Variants in CFAP57 observed in about 807,000 individuals in gnomAD.
CFAP57 encodes the protein cilia and flagella associated protein 57.
Under a neutral mutation model 146.8 loss-of-function variants are expected in CFAP57, and 116 were observed. The ratio of observed to expected loss-of-function variants is 0.79; its 90% CI spans 0.68 to 0.92. CFAP57 has a LOEUF of 0.92. Among genes scored for constraint, CFAP57 ranks in the 40% least tolerant of loss-of-function variants. The pLI is 0.00. For missense variants in CFAP57, 1,377 were observed against 1,527.2 expected, an observed-to-expected ratio of 0.90 and a Z score of 1.64; for synonymous variants, 518 against 552.8, an observed-to-expected ratio of 0.94 and a Z score of 0.88.
intron 12 of CFAP57, among the ~76,000 whole-genome samples, chr1:43,217,212 G>T (rs991186826): frequency 6.6e-6 from 1 of 152,176 alleles, no homozygotes; most frequent in Non-Finnish European, 1.5e-5. Flanking sequence ...GGTCAGGGGG[G>T]CCTTTTACAC....
At chr1:43,231,633 C>G (rs1040876779) in intron 18 of CFAP57, among the ~76,000 whole-genome samples, 1 of 149,590 alleles carries the variant, frequency 6.7e-6, no homozygotes, top group African/African-American at 2.5e-5. Context: ...GTGGGCAGAT[C>G]ACTTGAGGTC....
At chr1:43,222,791 C>G in intron 15 of CFAP57, 33 bp from the exon 16 acceptor site, 1 of 1,508,606 alleles carries the variant, frequency 6.6e-7, no homozygotes, top group Non-Finnish European at 8.9e-7. Flanking sequence ...AGTCCCTTCT[C>G]CCCTGACCAC....
In CFAP57 at chr1:43,250,033, G is replaced by A. The variant is rs143339559; in HGVS notation, c.3539-3944G>A. 2.2e-3 allele frequency among the ~76,000 whole-genome samples: 342 copies of A among 152,142 alleles called. 4 individuals are homozygous for A. The highest frequency in any genetic ancestry group is 7.8e-3 in the African/African-American group (322 of 41,484). On this transcript the variant is annotated intron_variant, in intron 22 of 22. Coordinates refer to ENST00000372492, the MANE Select transcript of CFAP57 (RefSeq NM_001378189.1). ...TCATTCTACCAATAATTTTAAAGCC[G>A]GTTTGTTTAGTAAAGATTTACATAA...
intron 12 of CFAP57, among the ~76,000 whole-genome samples, chr1:43,215,794 G>A (rs1644812279): frequency 6.6e-6 from 1 of 152,204 alleles, no homozygotes; most frequent in Non-Finnish European, 1.5e-5. Context: ...AGTAAAGTAT[G>A]TTCTCATTTA....
At position 43,240,865 on chromosome 1, in the gene CFAP57, C is replaced by T. The variant is rs1011088943; in HGVS notation, c.3406-2362C>T. 9.2e-5 allele frequency among the ~76,000 whole-genome samples: 14 copies of T among 152,322 alleles called. No homozygotes were observed. In the East Asian group the frequency reaches 2.3e-3, roughly 25 times the overall value. On this transcript the variant is annotated intron_variant, in intron 21 of 22. Transcript: ENST00000372492. ...GTAGGAGAGGAGAAGGGGCCGGTCT[C>T]GCTCTGTCGCCCAGGCTGGAGTGCA...
In CFAP57 at chr1:43,234,596, G is replaced by T. The variant is rs1173576891; in HGVS notation, c.3363G>T (p.Lys1121Asn). Residue 1121 changes from lysine (K) to asparagine (N), a missense_variant, in exon 21 of 23, where the codon AAG becomes AAT. Transcript: ENST00000372492. Reference protein sequence around the residue: ...NLATLKKKVVKEGELHRTDYV... With the variant: ...NLATLKKKVVNEGELHRTDYV... Reference sequence around the variant, plus strand: ...CCACTCTCAAGAAGAAGGTGGTCAAGGAGGGCGAGCTGCACCGCACAGACT... The same window carrying T: ...CCACTCTCAAGAAGAAGGTGGTCAATGAGGGCGAGCTGCACCGCACAGACT... 1.3e-6 allele frequency: 2 copies of T among 1,550,512 alleles called. No individual in the cohort carries two copies. Among genetic ancestry groups the T allele is most frequent in the Admixed American group, 3.9e-5 (2 of 51,004 alleles).
rs542600979 is a variant in CFAP57 at position 43,197,128 on chromosome 1, C to T, written c.1123-425C>T. ...CAGCACTTTGGGAGGCCAAGGTGGG[C>T]GGATCATAAGGTCAGGAGATCGAGA... On this transcript the variant is annotated intron_variant, in intron 6 of 22. Coordinates refer to ENST00000372492, the MANE Select transcript of CFAP57 (RefSeq NM_001378189.1). Among the ~76,000 whole-genome samples, 49 of 151,974 alleles carry T rather than the reference C, an allele frequency of 3.2e-4. No individual in the cohort carries two copies. The South Asian group carries it at 8.6e-3, about 27-fold the overall frequency.
intron 2 of CFAP57, among the ~76,000 whole-genome samples, chr1:43,180,916 G>T (rs1233643596): frequency 6.6e-6 from 1 of 152,004 alleles, no homozygotes. Context: ...CCCACTGCTT[G>T]CAGTTCCCGC....
chr1:43,179,273 T>TA, intron 2 of CFAP57, among the ~76,000 whole-genome samples: 1 of 144,524 alleles, frequency 6.9e-6, no homozygotes, highest in Middle Eastern at 3.4e-3. Context: ...CCCTAGAACT[T>TA]AAAGTATAAT....
intron 22 of CFAP57, among the ~76,000 whole-genome samples, chr1:43,244,296 T>G (rs1760671): frequency 0.039 from 6,013 of 152,264 alleles, 195 homozygotes; most frequent in African/African-American, 0.087. Context: ...AGCTATGGAT[T>G]GGGTCTCTGA....
intron 12 of CFAP57, among the ~76,000 whole-genome samples, chr1:43,218,571 G>A (rs780035598): frequency 3.3e-5 from 5 of 151,436 alleles, no homozygotes; most frequent in African/African-American, 7.3e-5. Flanking sequence ...TCACACCACC[G>A]CACTCCAGCC....
At chr1:43,223,762 C>T (rs561765418) in intron 16 of CFAP57, among the ~76,000 whole-genome samples, 58 of 152,258 alleles carry the variant, frequency 3.8e-4, no homozygotes, top group African/African-American at 1.2e-3. Context: ...CTTGGTGTAC[C>T]GGTCTCTGGA....
chr1:43,183,876 A>G lies in CFAP57; in HGVS notation c.760A>G (p.Ser254Gly). Residue 254 changes from serine (S) to glycine (G), a missense_variant and splice_region_variant, in exon 4 of 23, where the codon AGC (serine) becomes GGC (glycine). Transcript: ENST00000372492. Reference sequence around the variant, plus strand: ...CCTGGATGTCATTCAGGAATCAGAGAGGTAATGGTGCTTCCTGGGCTGGTG... The same window carrying G: ...CCTGGATGTCATTCAGGAATCAGAGGGGTAATGGTGCTTCCTGGGCTGGTG... ...KSLDVIQESE[S>G]LIEFPPVSSP... 6.2e-7 allele frequency: 1 copy of G among 1,613,916 alleles called. No individual in the cohort carries two copies. Among genetic ancestry groups the G allele is most frequent in the Non-Finnish European group, 8.5e-7 (1 of 1,180,028 alleles).
intron 17 of CFAP57, 123 bp downstream of exon 17, chr1:43,224,327 C>G: frequency 8.6e-7 from 1 of 1,166,128 alleles, no homozygotes; most frequent in South Asian, 1.9e-5. Flanking sequence ...GATGGGGGAA[C>G]CAGCCGTCAG....
intron 10 of CFAP57, among the ~76,000 whole-genome samples, chr1:43,207,592 C>T (rs1413512220): frequency 1.3e-5 from 2 of 152,192 alleles, no homozygotes; most frequent in African/African-American, 4.8e-5. Context: ...CCATATCAAG[C>T]GATGCATGAC....
rs367984261 is a variant in CFAP57, at chr1:43,226,848, C to T, written c.2866-135C>T. 1.8e-4 allele frequency: 182 copies of T among 1,006,866 alleles called. 1 individual carries two copies. The South Asian group carries it at 2.1e-3, about 12-fold the overall frequency. The allele number at this position is 1,006,866 out of a possible 1,614,324, so 62.4% of individuals were successfully genotyped here. On this transcript the variant is annotated intron_variant, in intron 17 of 22. Coordinates refer to ENST00000372492, the MANE Select transcript of CFAP57 (RefSeq NM_001378189.1). The stretch of plus-strand genomic sequence containing the variant: ...GGGGGAGTGCCAGCCTCTGTACTGA[C>T]GAAGGGAGGAGAGGAGTCTCCTGGT...
chr1:43,179,990 T>G (rs1645325490), intron 2 of CFAP57, among the ~76,000 whole-genome samples: 1 of 152,006 alleles, frequency 6.6e-6, no homozygotes, highest in South Asian at 2.1e-4. Flanking sequence ...GCGGATCACC[T>G]GAAGTTGGGA....
intron 21 of CFAP57, among the ~76,000 whole-genome samples, chr1:43,241,453 T>C (rs2124654528): frequency 6.6e-6 from 1 of 152,190 alleles, no homozygotes; most frequent in Non-Finnish European, 1.5e-5. Context: ...TGCTCCCTTC[T>C]GGGTTCCACA....
intron 22 of CFAP57, among the ~76,000 whole-genome samples, chr1:43,249,667 A>T (rs1171870604): frequency 3.5e-5 from 5 of 141,378 alleles, no homozygotes; most frequent in Non-Finnish European, 6.0e-5. Context: ...CTGGTCTCGA[A>T]CTCCTGAGCT....
Sources: gnomAD v4.1 joint callset for allele counts (sites outside exome capture counted in the v4.1 genomes callset) on GRCh38, gnomAD v4.1.1 for gene constraint, MANE v1.5 for transcripts, NCBI Gene and HGNC (gene_info 2026-07-23, HGNC 2026-07-21) for gene names.